DHTKD1: variants seen among roughly 807,000 people sequenced by gnomAD.
DHTKD1 encodes 2-oxoadipate dehydrogenase complex component E1.
DHTKD1 carries 78 observed loss-of-function variants against 101.8 expected under a neutral mutation model. The ratio of observed to expected loss-of-function variants is 0.77; its 90% CI spans 0.64 to 0.93. The LOEUF (loss-of-function observed/expected upper bound fraction) is 0.93, where lower values mean the gene tolerates loss of function less well. Ranked by LOEUF, DHTKD1 falls within the 40% of genes least tolerant of loss-of-function variation. DHTKD1 has a pLI of 0.00. For synonymous variants in DHTKD1, 462 were observed against 450.3 expected, an observed-to-expected ratio of 1.03 and a Z score of -0.33; for missense variants, 1,223 against 1,161.7, an observed-to-expected ratio of 1.05 and a Z score of -0.77.
intron 5 of DHTKD1, among the ~76,000 whole-genome samples, chr10:12,091,011 G>A (rs942775076): frequency 4.6e-5 from 7 of 151,776 alleles, no homozygotes; most frequent in Admixed American, 1.3e-4. Flanking sequence ...CCGAGATTGC[G>A]CCACCGCACT....
rs1833518100 is a variant in DHTKD1, at chr10:12,120,972, C to T, written c.*84C>T. The T allele has an allele frequency of 7.8e-7, 1 of 1,289,878 alleles. No homozygotes were observed. Among genetic ancestry groups the T allele is most frequent in the African/African-American group, 1.5e-5 (1 of 68,126 alleles). 79.9% of individuals were successfully genotyped at this position (1,289,878 alleles called of 1,614,324 possible). A position where few individuals can be genotyped will look rare whatever the true frequency, so the allele number is the denominator to read the frequency against. ...GGGTGGCACATGCCTGTAATCCCAGCACTTTGGGAGGCCAAGGCTGGTGGA... is the reference window on the plus strand; with the variant it reads ...GGGTGGCACATGCCTGTAATCCCAGTACTTTGGGAGGCCAAGGCTGGTGGA... On this transcript the variant is annotated 3_prime_UTR_variant, in exon 17 of 17. Coordinates refer to ENST00000263035, the MANE Select transcript of DHTKD1 (RefSeq NM_018706.7).
chr10:12,082,124 C>A (rs1832829636), intron 2 of DHTKD1, among the ~76,000 whole-genome samples: 1 of 152,064 alleles, frequency 6.6e-6, no homozygotes, highest in Non-Finnish European at 1.5e-5. Flanking sequence ...GAGACCCTGT[C>A]TGAAAAAACA....
At chr10:12,080,959 C>G (rs140863342) in intron 1 of DHTKD1, among the ~76,000 whole-genome samples, 1 of 150,760 alleles carries the variant, frequency 6.6e-6, no homozygotes, top group Non-Finnish European at 1.5e-5. Context: ...CTCAGCTACT[C>G]GGGAGACTGA....
chr10:12,069,090 C>T lies in DHTKD1; in HGVS notation c.57C>T (p.Leu19=), dbSNP rs770035289. The change falls in exon 1 of 17, where the codon CTC becomes CTT. Residue 19 remains leucine (L), a synonymous_variant. Transcript: ENST00000263035. ...ARRGLGRALP[L]FWRGYQTERG... is the part of the protein sequence containing the mutation. ...GGGGCCTCGGCCGGGCTCTCCCTCT[C>T]TTCTGGCGTGGCTACCAGACCGAGC... is the stretch of plus-strand genomic sequence containing the variant. 4.3e-6 allele frequency: 7 copies of T among 1,612,660 alleles called. No individual in the cohort carries two copies. The highest frequency in any genetic ancestry group is 5.9e-6 in the Non-Finnish European group (7 of 1,179,598).
intron 1 of DHTKD1, among the ~76,000 whole-genome samples, chr10:12,073,190 G>A (rs549629662): frequency 1.2e-4 from 18 of 151,736 alleles, no homozygotes; most frequent in African/African-American, 3.9e-4. Context: ...ATGCCACCCC[G>A]CCCAGCTAAT....
chr10:12,080,763 A>G (rs1175597290), intron 1 of DHTKD1, among the ~76,000 whole-genome samples: 1 of 151,912 alleles, frequency 6.6e-6, no homozygotes, highest in Non-Finnish European at 1.5e-5. Context: ...TATGCTAACA[A>G]TTGTCTCTGG....
chr10:12,092,605 A>T (rs571854692), intron 6 of DHTKD1, among the ~76,000 whole-genome samples: 2 of 151,988 alleles, frequency 1.3e-5, no homozygotes, highest in African/African-American at 4.8e-5. Context: ...GGAGTTCGAG[A>T]CCAGCCTGAC....
Position 12,089,125 on chromosome 10 carries a change from A to G in DHTKD1, c.857A>G (p.Asn286Ser), listed in dbSNP as rs759029764. ...HHPLHVTMLP[N>S]PSHLEAVNPV... ...CCCCTCCATGTGACAATGTTGCCCA[A>G]TCCCTCGCACCTGGAGGCCGTCAAC... Residue 286 changes from asparagine to serine, a missense_variant, in exon 5 of 17, where the codon AAT (asparagine) becomes AGT (serine). By Grantham distance (46) the Asn-to-Ser change is conservative (BLOSUM62 1). Coordinates refer to ENST00000263035, the MANE Select transcript of DHTKD1 (RefSeq NM_018706.7). The G allele has an allele frequency of 1.4e-5, 23 of 1,614,102 alleles. 1 individual carries two copies. In the Middle Eastern group the frequency reaches 4.9e-4, roughly 35 times the overall value.
chr10:12,074,646 C>T (rs1259407696), intron 1 of DHTKD1, among the ~76,000 whole-genome samples: 1 of 88,480 alleles, frequency 1.1e-5, no homozygotes, highest in African/African-American at 4.5e-5. Context: ...GCGTGAGCTA[C>T]CGCGGGTCTT....
Position 12,120,823 on chromosome 10 carries a change from G to A in DHTKD1, c.2695G>A (p.Ala899Thr), listed in dbSNP as rs767599280. 8.1e-6 allele frequency: 13 copies of A among 1,614,054 alleles called. No homozygotes were observed. The highest frequency in any genetic ancestry group is 3.3e-5 in the South Asian group (3 of 91,084). ...GGGCCGGCCCCCTTTGCCAGTACCC[G>A]CTGTAGGAATTGGCACAGTTCACTT... is the stretch of plus-strand genomic sequence containing the variant. ...LVGRPPLPVP[A>T]VGIGTVHLHQ... The change falls in exon 17 of 17, where the codon GCT (alanine) becomes ACT (threonine). Residue 899 changes from alanine to threonine, a missense_variant. By Grantham distance (58) the Ala-to-Thr change is moderately conservative. Coordinates refer to ENST00000263035, the MANE Select transcript of DHTKD1 (RefSeq NM_018706.7).
intron 5 of DHTKD1, among the ~76,000 whole-genome samples, chr10:12,090,478 T>TCCTTCCTTC (rs926722179): frequency 6.9e-6 from 1 of 145,784 alleles, no homozygotes; most frequent in African/African-American, 2.6e-5. Flanking sequence ...CTTCCTTCCT[T>TCCTTCCTTC]CTTCTTTCTC....
At chr10:12,100,291 T>TTTTTTTTG in intron 9 of DHTKD1, 29 bp downstream of exon 9, 2 of 863,274 alleles carry the variant, frequency 2.3e-6, no homozygotes, top group African/African-American at 1.9e-5. Context: ...TTTTCTGTTT[T>TTTTTTTTG]TTTTTTTTTT....
intron 1 of DHTKD1, among the ~76,000 whole-genome samples, chr10:12,079,376 G>A (rs1454818934): frequency 6.6e-6 from 1 of 152,166 alleles, no homozygotes; most frequent in East Asian, 1.9e-4. Flanking sequence ...GTTCTTAAAA[G>A]GAGAGAGTAG....
chr10:12,076,665 T>C (rs1457177891), intron 1 of DHTKD1, among the ~76,000 whole-genome samples: 1 of 152,056 alleles, frequency 6.6e-6, no homozygotes, highest in Non-Finnish European at 1.5e-5. Context: ...AGACCCTGTT[T>C]CTTTTTTTCT....
intron 1 of DHTKD1, among the ~76,000 whole-genome samples, chr10:12,077,107 ATTAC>A (rs1832745200): frequency 6.7e-6 from 1 of 150,126 alleles, no homozygotes; most frequent in Non-Finnish European, 1.5e-5. Flanking sequence ...AGTATATATA[ATTAC>A]ATATACTAAT....
rs1390211554 is a variant in DHTKD1 at position 12,103,595 on chromosome 10, A to G, written c.1896+2414A>G. 6.6e-6 allele frequency among the ~76,000 whole-genome samples: 1 copy of G among 151,394 alleles called. No homozygotes were observed. The highest frequency in any genetic ancestry group is 1.5e-5 in the Non-Finnish European group (1 of 67,948). ...CCACAGTGCAATTATAGCTCACTGT[A>G]GCCTCCAGCTCTTAGGCACAAGCAA... is the stretch of plus-strand genomic sequence containing the variant. On this transcript the variant is annotated intron_variant, in intron 10 of 16. Coordinates refer to ENST00000263035, the MANE Select transcript of DHTKD1 (RefSeq NM_018706.7). This position sits in a 1 kb window ranked among gnomAD's most constrained non-coding sequence, Gnocchi z 4.8.
intron 13 of DHTKD1, among the ~76,000 whole-genome samples, chr10:12,113,345 G>A (rs377349522): frequency 7.2e-5 from 11 of 152,088 alleles, no homozygotes; most frequent in African/African-American, 2.7e-4. Context: ...TTACAGGCAT[G>A]TGCCACCACA....
Position 12,121,218 on chromosome 10 carries a change from TC to T in DHTKD1, c.*331del. 3 of 15,528 alleles carry T rather than the reference TC, an allele frequency of 1.9e-4. No homozygotes were observed. The highest frequency in any genetic ancestry group is 2.3e-3 in the East Asian group (1 of 428). The allele number at this position is 15,528 out of a possible 1,614,324, so 1.0% of individuals were successfully genotyped here. On this transcript the variant is annotated 3_prime_UTR_variant, in exon 17 of 17. Coordinates refer to ENST00000263035, the MANE Select transcript of DHTKD1 (RefSeq NM_018706.7). ...CTGGGTGACAGAGCAAGACTGCGTT[TC>T]AAAAAAAAAAAAAAAAAAACCCATT...
intron 1 of DHTKD1, among the ~76,000 whole-genome samples, chr10:12,076,552 C>T (rs1467780055): frequency 6.7e-6 from 1 of 150,304 alleles, no homozygotes; most frequent in Non-Finnish European, 1.5e-5. Context: ...AGCAAATCTG[C>T]CTGGGTGTGA....
Sources: gnomAD v4.1 joint callset for allele counts (sites outside exome capture counted in the v4.1 genomes callset) on GRCh38, gnomAD v4.1.1 for gene constraint, Gnocchi (gnomAD v3.1) non-coding constraint, MANE v1.5 for transcripts, NCBI Gene and HGNC (gene_info 2026-07-23, HGNC 2026-07-21) for gene names.